The following SNTB1 variants were observed in gnomAD, a reference collection of about 807,000 sequenced individuals.
SNTB1 encodes syntrophin beta 1.
Under a neutral mutation model 48.9 loss-of-function variants are expected in SNTB1, and 36 were observed. The ratio of observed to expected loss-of-function variants is 0.74; its 90% CI spans 0.56 to 0.97. The LOEUF (loss-of-function observed/expected upper bound fraction) is 0.97, where lower values mean the gene tolerates loss of function less well. SNTB1 is among the 50% of genes least tolerant of loss of function. The pLI is 0.00. For missense variants in SNTB1, 786 were observed against 703.4 expected (o/e 1.12, Z -1.33); for synonymous variants, 299 against 294.6 (o/e 1.01, Z -0.15).
At chr8:120,759,481 T>TA (rs1299578707) in intron 1 of SNTB1, among the ~76,000 whole-genome samples, 11 of 152,036 alleles carry the variant, frequency 7.2e-5, no homozygotes, top group Non-Finnish European at 1.5e-4. Context: ...AACTGAAGAA[T>TA]AAAAAAAATC....
chr8:120,795,138 A>T (rs1820101168), intron 1 of SNTB1, among the ~76,000 whole-genome samples: 1 of 152,098 alleles, frequency 6.6e-6, no homozygotes. Context: ...TATTTGTATC[A>T]AATAACTATT....
At position 120,537,491 on chromosome 8, in the gene SNTB1, C is replaced by T. The variant is rs967272247; in HGVS notation, c.*1386G>A. On this transcript the variant is annotated 3_prime_UTR_variant, in exon 7 of 7. Coordinates refer to ENST00000517992, the MANE Select transcript of SNTB1 (RefSeq NM_021021.4). The stretch of plus-strand genomic sequence containing the variant: ...ATGTCTGAGTGAGAAAAATTGTGTT[C>T]CTTTAACACGGTTTCACTTTTTGAA... 2 of 152,128 alleles carry T rather than the reference C, an allele frequency of 1.3e-5. No homozygotes were observed. Among genetic ancestry groups the T allele is most frequent in the Admixed American group, 1.3e-4 (2 of 15,268 alleles). 9.4% of individuals were successfully genotyped at this position (152,128 alleles called of 1,614,324 possible). A position where few individuals can be genotyped will look rare whatever the true frequency, so the allele number is the denominator to read the frequency against.
At chr8:120,738,729 T>C (rs956223180) in intron 1 of SNTB1, among the ~76,000 whole-genome samples, 2 of 152,168 alleles carry the variant, frequency 1.3e-5, no homozygotes, top group African/African-American at 4.8e-5. Context: ...AAAAGTCCTA[T>C]GAAAATTGCA....
intron 1 of SNTB1, among the ~76,000 whole-genome samples, chr8:120,718,151 A>T (rs1458802963): frequency 6.6e-6 from 1 of 152,200 alleles, no homozygotes; most frequent in Admixed American, 6.5e-5. Flanking sequence ...GATGGCTAAT[A>T]CTGAGTGTTG....
chr8:120,618,623 T>TA (rs999588376), intron 3 of SNTB1, among the ~76,000 whole-genome samples: 9 of 152,204 alleles, frequency 5.9e-5, no homozygotes, highest in Non-Finnish European at 1.3e-4. Flanking sequence ...TTTGTTTGTT[T>TA]AAAAAATCAC....
intron 3 of SNTB1, among the ~76,000 whole-genome samples, chr8:120,624,886 G>A (rs186833044): frequency 6.6e-6 from 1 of 152,282 alleles, no homozygotes; most frequent in East Asian, 1.9e-4. Flanking sequence ...AAGAAGAAAG[G>A]GGTACCTGGT....
At chr8:120,624,151 T>G (rs1168513469) in intron 3 of SNTB1, among the ~76,000 whole-genome samples, 4 of 152,204 alleles carry the variant, frequency 2.6e-5, no homozygotes, top group African/African-American at 9.7e-5. Context: ...TTGGCCAGGC[T>G]GGTCTCAAAC....
intron 5 of SNTB1, among the ~76,000 whole-genome samples, chr8:120,546,533 TG>T (rs1484600844): frequency 1.3e-5 from 2 of 152,208 alleles, no homozygotes; most frequent in East Asian, 3.9e-4. Context: ...TGGAGTGCAG[TG>T]GCATGATTTT....
chr8:120,759,004 C>A (rs1819365555), intron 1 of SNTB1, among the ~76,000 whole-genome samples: 1 of 152,166 alleles, frequency 6.6e-6, no homozygotes, highest in South Asian at 2.1e-4. Flanking sequence ...CTCCTGGGCT[C>A]AAGCAATCCT....
At chr8:120,699,969 G>GT (rs1220066276) in intron 1 of SNTB1, among the ~76,000 whole-genome samples, 2 of 152,146 alleles carry the variant, frequency 1.3e-5, no homozygotes, top group African/African-American at 4.8e-5. Context: ...TTTGCCAAGT[G>GT]TTTTTTGTGT....
chr8:120,791,158 T>C (rs1820024859), intron 1 of SNTB1, among the ~76,000 whole-genome samples: 2 of 151,682 alleles, frequency 1.3e-5, no homozygotes, highest in African/African-American at 4.8e-5. Flanking sequence ...TAAAGTCAAA[T>C]ACAACCAACT....
At chr8:120,659,715 C>A (rs1408530695) in intron 2 of SNTB1, among the ~76,000 whole-genome samples, 1 of 152,208 alleles carries the variant, frequency 6.6e-6, no homozygotes, top group East Asian at 1.9e-4. Context: ...AGAAATATAT[C>A]TGCCTGTATC....
intron 1 of SNTB1, among the ~76,000 whole-genome samples, chr8:120,708,034 G>T (rs1255832309): frequency 6.6e-6 from 1 of 151,740 alleles, no homozygotes. Context: ...TGTCACATTT[G>T]ATGAAAATAA....
intron 1 of SNTB1, among the ~76,000 whole-genome samples, chr8:120,746,353 A>G (rs1286318548): frequency 6.6e-6 from 1 of 152,166 alleles, no homozygotes; most frequent in Non-Finnish European, 1.5e-5. Flanking sequence ...ATATATATAT[A>G]ACATACATAA....
At chr8:120,720,019 A>G (rs1201307332) in intron 1 of SNTB1, among the ~76,000 whole-genome samples, 2 of 152,242 alleles carry the variant, frequency 1.3e-5, no homozygotes, top group Non-Finnish European at 2.9e-5. Context: ...CAGCTTCCAA[A>G]TTCTCTTAAA....
At chr8:120,539,360 T>C (rs1418583344) in intron 6 of SNTB1, among the ~76,000 whole-genome samples, 1 of 152,228 alleles carries the variant, frequency 6.6e-6, no homozygotes, top group African/African-American at 2.4e-5. Flanking sequence ...CTGACGCTTT[T>C]TAGACGTACC....
chr8:120,654,056 A>AAAAAAAAAAAAAAC (rs1817457331), intron 2 of SNTB1, among the ~76,000 whole-genome samples: 1 of 148,356 alleles, frequency 6.7e-6, no homozygotes, highest in Non-Finnish European at 1.5e-5. Flanking sequence ...AAAAAAAAAA[A>AAAAAAAAAAAAAAC]AAAAAAAAAA....
chr8:120,760,297 C>CA (rs77673399), intron 1 of SNTB1, among the ~76,000 whole-genome samples: 4,967 of 69,010 alleles, frequency 0.072, 117 homozygotes, highest in Non-Finnish European at 0.11. Context: ...AGAAACAAGC[C>CA]AAAAAAAAAA....
intron 4 of SNTB1, among the ~76,000 whole-genome samples, chr8:120,573,009 A>T (rs1815883946): frequency 6.6e-6 from 1 of 152,182 alleles, no homozygotes; most frequent in African/African-American, 2.4e-5. Flanking sequence ...CCTCTTTAAG[A>T]CCTTAATTTC....
Sources: allele counts gnomAD v4.1 joint callset (sites outside exome capture counted in the v4.1 genomes callset), GRCh38; gene constraint gnomAD v4.1.1; transcripts MANE v1.5; gene names NCBI Gene and HGNC (gene_info 2026-07-23, HGNC 2026-07-21).